Variants in CFDP1 observed in about 807,000 individuals in gnomAD.
CFDP1 encodes the protein heterochromatin-stabilizing protein CFDP1.
A neutral mutation model predicts 40.1 loss-of-function variants in CFDP1; 31 were observed. The observed-to-expected ratio is 0.77, with a 90% CI of 0.58 to 1.04. The LOEUF (loss-of-function observed/expected upper bound fraction) is 1.04, where lower values mean the gene tolerates loss of function less well. CFDP1 is among the 50% of genes least tolerant of loss of function. CFDP1 has a pLI of 0.00. For missense variants in CFDP1, 423 were observed against 343.4 expected (o/e 1.23, Z -1.83); for synonymous variants, 167 against 120.0 (o/e 1.39, Z -2.56).
At chr16:75,304,276 T>C (rs1186981597) in intron 6 of CFDP1, among the ~76,000 whole-genome samples, 1 of 152,054 alleles carries the variant, frequency 6.6e-6, no homozygotes, top group Non-Finnish European at 1.5e-5. Context: ...CCAGGTTGGC[T>C]AGGCTGGTCT....
At chr16:75,414,894 C>G (rs971774313) in intron 1 of CFDP1, among the ~76,000 whole-genome samples, 199 bp from the exon 2 acceptor site, 1 of 152,152 alleles carries the variant, frequency 6.6e-6, no homozygotes. Context: ...GTTCTTCTAT[C>G]GTAGGCTTCC....
At chr16:75,378,896 T>C (rs928219655) in intron 5 of CFDP1, among the ~76,000 whole-genome samples, 15 of 152,000 alleles carry the variant, frequency 9.9e-5, no homozygotes, top group African/African-American at 3.6e-4. Context: ...TCACAAAGAA[T>C]GTGTTCACCA....
At chr16:75,361,651 C>T (rs889120847) in intron 5 of CFDP1, among the ~76,000 whole-genome samples, 1 of 151,924 alleles carries the variant, frequency 6.6e-6, no homozygotes, top group Non-Finnish European at 1.5e-5. Flanking sequence ...ACACACAAAT[C>T]AACTTAGGAA....
intron 5 of CFDP1, among the ~76,000 whole-genome samples, chr16:75,367,430 T>TAA (rs35774804): frequency 0.011 from 1,296 of 120,026 alleles, 17 homozygotes; most frequent in Non-Finnish European, 0.014. Context: ...ACTCCAGAAC[T>TAA]AAAAAAAAAA....
chr16:75,317,057 A>G, intron 5 of CFDP1, among the ~76,000 whole-genome samples: 1 of 152,244 alleles, frequency 6.6e-6, no homozygotes. Context: ...AAAAGGCAAA[A>G]GGCTATGGGA....
chr16:75,337,612 C>G (rs1163541621), intron 5 of CFDP1, among the ~76,000 whole-genome samples: 1 of 152,118 alleles, frequency 6.6e-6, no homozygotes, highest in Non-Finnish European at 1.5e-5. Flanking sequence ...GGGAAGGCCT[C>G]AAGAAACTTT....
At chr16:75,348,596 A>G (rs1332758840) in intron 5 of CFDP1, among the ~76,000 whole-genome samples, 3 of 152,024 alleles carry the variant, frequency 2.0e-5, no homozygotes, top group Admixed American at 2.0e-4. Context: ...CTCACTTTAT[A>G]TTTTTAAAAT....
At chr16:75,356,788 T>G (rs141152966) in intron 5 of CFDP1, among the ~76,000 whole-genome samples, 1 of 152,206 alleles carries the variant, frequency 6.6e-6, no homozygotes, top group Non-Finnish European at 1.5e-5. Flanking sequence ...AAATCTGTTG[T>G]TTAGTGTAGC....
chr16:75,316,378 G>C (rs1369689416), intron 5 of CFDP1, among the ~76,000 whole-genome samples: 1 of 152,114 alleles, frequency 6.6e-6, no homozygotes, highest in East Asian at 1.9e-4. Context: ...TACGTCTACA[G>C]ACAGACTAGG....
intron 5 of CFDP1, among the ~76,000 whole-genome samples, chr16:75,375,698 G>A (rs1376405651): frequency 6.6e-6 from 1 of 151,960 alleles, no homozygotes; most frequent in Non-Finnish European, 1.5e-5. Context: ...GGCTGAGACA[G>A]GAGAATCGTT....
intron 5 of CFDP1, among the ~76,000 whole-genome samples, chr16:75,390,586 C>T (rs1456694545): frequency 6.6e-6 from 1 of 152,206 alleles, no homozygotes; most frequent in Non-Finnish European, 1.5e-5. Context: ...AGTCTTGAGA[C>T]CCACTGCAAT....
At chr16:75,309,608 C>G (rs2078280312) in intron 5 of CFDP1, among the ~76,000 whole-genome samples, 1 of 152,064 alleles carries the variant, frequency 6.6e-6, no homozygotes, top group African/African-American at 2.4e-5. Context: ...ATCACAAGGT[C>G]AGGAGATCGA....
At chr16:75,382,392 T>C (rs1364084711) in intron 5 of CFDP1, among the ~76,000 whole-genome samples, 1 of 152,214 alleles carries the variant, frequency 6.6e-6, no homozygotes, top group East Asian at 1.9e-4. Context: ...ATATATTCTA[T>C]AAAGACAGAT....
chr16:75,345,415 C>T (rs915548828), intron 5 of CFDP1, among the ~76,000 whole-genome samples: 1 of 152,064 alleles, frequency 6.6e-6, no homozygotes, highest in Non-Finnish European at 1.5e-5. Flanking sequence ...CTAGACCGTA[C>T]CACTTTACCT....
At chr16:75,415,912 G>C (rs912367337) in intron 1 of CFDP1, among the ~76,000 whole-genome samples, 1 of 152,116 alleles carries the variant, frequency 6.6e-6, no homozygotes, top group Non-Finnish European at 1.5e-5. Flanking sequence ...GAGTGCAGTG[G>C]CGCGATCTTG....
At chr16:75,364,664 C>T (rs553194304) in intron 5 of CFDP1, among the ~76,000 whole-genome samples, 2 of 152,280 alleles carry the variant, frequency 1.3e-5, no homozygotes, top group African/African-American at 4.8e-5. Flanking sequence ...ACTCTTCTCA[C>T]AACATTTTTT....
chr16:75,409,663 G>A (rs1777045350), intron 4 of CFDP1, among the ~76,000 whole-genome samples: 1 of 152,012 alleles, frequency 6.6e-6, no homozygotes, highest in African/African-American at 2.4e-5. Context: ...CTTGGTCGTA[G>A]GAGACACGTG....
intron 5 of CFDP1, among the ~76,000 whole-genome samples, chr16:75,318,611 A>C (rs903450798): frequency 6.6e-6 from 1 of 151,920 alleles, no homozygotes; most frequent in Non-Finnish European, 1.5e-5. Context: ...TCACCGTGTT[A>C]GCCAGGATGG....
At chr16:75,405,416 A>G (rs925531686) in intron 4 of CFDP1, among the ~76,000 whole-genome samples, 2 of 152,014 alleles carry the variant, frequency 1.3e-5, no homozygotes, top group African/African-American at 4.8e-5. Context: ...GCTTGAGCCC[A>G]GGAGTTTGAC....
Sources: allele counts gnomAD v4.1 joint callset (sites outside exome capture counted in the v4.1 genomes callset), GRCh38; gene constraint gnomAD v4.1.1; transcripts MANE v1.5; gene names NCBI Gene and HGNC (gene_info 2026-07-23, HGNC 2026-07-21).